CSNK2A1: variants seen among roughly 807,000 people sequenced by gnomAD.
The protein encoded by CSNK2A1 is casein kinase II subunit alpha.
Under a neutral mutation model 62.9 loss-of-function variants are expected in CSNK2A1, and 10 were observed. The ratio of observed to expected loss-of-function variants is 0.16; its 90% CI spans 0.10 to 0.27. CSNK2A1 has a LOEUF of 0.27. Among genes scored for constraint, CSNK2A1 ranks in the 10% least tolerant of loss-of-function variants. CSNK2A1 has a pLI of 1.00. For synonymous variants in CSNK2A1, 124 were observed against 167.8 expected (o/e 0.74, Z 2.02); for missense variants, 160 against 492.0 (o/e 0.33, Z 6.38).
rs189482554 is a variant in CSNK2A1 at position 484,940 on chromosome 20, G to A, written c.1061-864C>T. ...AAATTAGCTGGGCGTCATGGCGGGC[G>A]CCTGTAGTCCCAGCTACCTGGGAGG... On this transcript the variant is annotated intron_variant, in intron 13 of 13. Coordinates refer to ENST00000217244, the MANE Select transcript of CSNK2A1 (RefSeq NM_177559.3). 2.2e-3 allele frequency among the ~76,000 whole-genome samples: 329 copies of A among 148,796 alleles called. 2 individuals carry two copies. The highest frequency in any genetic ancestry group is 7.9e-3 in the African/African-American group (319 of 40,444).
rs1294777942 is a variant in CSNK2A1 at position 499,794 on chromosome 20, T to C, written c.315+39A>G. 4.4e-6 allele frequency: 7 copies of C among 1,596,480 alleles called. No homozygotes were observed. The South Asian group carries it at 7.8e-5, about 18-fold the overall frequency. On this transcript the variant is annotated intron_variant, in intron 5 of 13. Transcript: ENST00000217244. The surrounding 1 kb of genome is among the most constrained non-coding windows in gnomAD (Gnocchi z 4.2). Reference sequence around the variant, plus strand: ...GTTGTGCTCCAGGTCAAACACCATCTCAGCTCTGGCGGGCCTTGCTAACAC... The same window carrying C: ...GTTGTGCTCCAGGTCAAACACCATCCCAGCTCTGGCGGGCCTTGCTAACAC...
chr20:510,726 T>A (rs1320882639), intron 2 of CSNK2A1, among the ~76,000 whole-genome samples: 1 of 151,996 alleles, frequency 6.6e-6, no homozygotes, highest in Non-Finnish European at 1.5e-5. Context: ...TGTTGAAATC[T>A]TCTTATTTGA....
At position 477,531 on chromosome 20, in the gene CSNK2A1, A is replaced by G. The variant is rs1008432740; in HGVS notation, c.*6430T>C. The G allele has an allele frequency of 6.6e-6, 1 of 152,330 alleles. No homozygotes were observed. Among genetic ancestry groups the G allele is most frequent in the Admixed American group, 6.6e-5 (1 of 15,244 alleles). The allele number at this position is 152,330 out of a possible 1,614,324, so 9.4% of individuals were successfully genotyped here. A position where few individuals can be genotyped will look rare whatever the true frequency, so the allele number is the denominator to read the frequency against. ...TCTTCTAGTTTTTACCACCCCCACC[A>G]CCTCAATCCTGCCCCTGTAGCCTTT... On this transcript the variant is annotated 3_prime_UTR_variant, in exon 14 of 14. Transcript: ENST00000217244.
At position 490,905 on chromosome 20, in the gene CSNK2A1, A is replaced by C. The variant is rs548886799; in HGVS notation, c.622-1024T>G. On this transcript the variant is annotated intron_variant, in intron 9 of 13. Coordinates refer to ENST00000217244, the MANE Select transcript of CSNK2A1 (RefSeq NM_177559.3). ...TCTTCACTTACATGAAAAAAAAAAA[A>C]AAAAAACCTCCAAATTGTTAGCCCA... Among the ~76,000 whole-genome samples the C allele has an allele frequency of 3.4e-4, 52 of 151,850 alleles. No individual in the cohort carries two copies. The South Asian group carries it at 0.01, about 30-fold the overall frequency.
chr20:486,408 C>A lies in CSNK2A1; in HGVS notation c.1028G>T (p.Ser343Ile), dbSNP rs1407828502. The change falls in exon 13 of 14, where the codon AGT becomes ATT. Residue 343 changes from serine to isoleucine, a missense_variant. Transcript: ENST00000217244. ...RMGSSSMPGGSTPVSSANMMS... is the reference protein window; with the variant it reads ...RMGSSSMPGGITPVSSANMMS... ...CATATTGGCGCTGCTGACGGGCGTA[C>A]TGCCCCCTGGCATGCTAGATGAACC... 1 of 1,613,260 alleles carries A rather than the reference C, an allele frequency of 6.2e-7. No homozygotes were observed. Among genetic ancestry groups the A allele is most frequent in the Non-Finnish European group, 8.5e-7 (1 of 1,179,782 alleles).
chr20:511,359 A>C (rs1228919886), intron 2 of CSNK2A1, among the ~76,000 whole-genome samples: 1 of 152,094 alleles, frequency 6.6e-6, no homozygotes, highest in Non-Finnish European at 1.5e-5. Flanking sequence ...AAAAACTGCC[A>C]TTTTATCCAC....
intron 1 of CSNK2A1, among the ~76,000 whole-genome samples, chr20:529,047 T>C (rs1339475819): frequency 2.0e-5 from 3 of 152,174 alleles, no homozygotes; most frequent in Non-Finnish European, 4.4e-5. Context: ...TTATTTTCCA[T>C]GTTTGTTTTT....
intron 2 of CSNK2A1, among the ~76,000 whole-genome samples, chr20:523,604 T>C (rs558521326): frequency 1.3e-5 from 2 of 152,260 alleles, no homozygotes; most frequent in African/African-American, 4.8e-5. Flanking sequence ...GATAAAACTG[T>C]AGTGAGGTTG....
At chr20:504,006 C>T (rs538539063) in intron 4 of CSNK2A1, among the ~76,000 whole-genome samples, 100 of 152,058 alleles carry the variant, frequency 6.6e-4, no homozygotes, top group African/African-American at 2.3e-3. Context: ...GGTGAAACCC[C>T]GTCTCTATTA....
Position 499,052 on chromosome 20 carries a change from G to A in CSNK2A1, c.366+203C>T, listed in dbSNP as rs2018404523. 2.8e-6 allele frequency: 1 copy of A among 352,128 alleles called. No individual in the cohort carries two copies. Among genetic ancestry groups the A allele is most frequent in the African/African-American group, 2.1e-5 (1 of 47,294 alleles). The allele number at this position is 352,128 out of a possible 1,614,324, so 21.8% of individuals were successfully genotyped here. On this transcript the variant is annotated intron_variant, in intron 6 of 13. Coordinates refer to ENST00000217244, the MANE Select transcript of CSNK2A1 (RefSeq NM_177559.3). The surrounding 1 kb of genome is among the most constrained non-coding windows in gnomAD (Gnocchi z 4.2). ...AAGTCAATGTGTTGGTCATTAAAAAGAACATTAAACAAATGGGCAAAATAT... is the reference window on the plus strand; with the variant it reads ...AAGTCAATGTGTTGGTCATTAAAAAAAACATTAAACAAATGGGCAAAATAT...
In CSNK2A1 at chr20:520,364, A is replaced by G. The variant is rs572568672; in HGVS notation, c.-110+7569T>C. Among the ~76,000 whole-genome samples, 11 of 152,310 alleles carry G rather than the reference A, an allele frequency of 7.2e-5. No homozygotes were observed. The South Asian group carries it at 2.3e-3, about 32-fold the overall frequency. Reference sequence around the variant, plus strand: ...TAGTTGTCAAAACAGTGTATTGGCAAAAGGATAATACATAGATCAAGGGAA... The same window carrying G: ...TAGTTGTCAAAACAGTGTATTGGCAGAAGGATAATACATAGATCAAGGGAA... On this transcript the variant is annotated intron_variant, in intron 2 of 13. Transcript: ENST00000217244.
rs1335764260 is a variant in CSNK2A1, at chr20:499,251, A to G, written c.366+4T>C. On this transcript the variant is annotated splice_donor_region_variant and intron_variant, in intron 6 of 13. Transcript: ENST00000217244. The surrounding 1 kb of genome is among the most constrained non-coding windows in gnomAD (Gnocchi z 4.2). ...AGCCCGAAACAGTTGGTTATATATT[A>G]TACCTTGAAGTCTGTGTTGTTTACG... is the stretch of plus-strand genomic sequence containing the variant. 1.2e-6 allele frequency: 2 copies of G among 1,603,734 alleles called. No homozygotes were observed. The highest frequency in any genetic ancestry group is 1.7e-6 in the Non-Finnish European group (2 of 1,175,000).
chr20:511,726 ACACAC>A (rs1331110504), intron 2 of CSNK2A1, among the ~76,000 whole-genome samples: 3 of 151,228 alleles, frequency 2.0e-5, no homozygotes, highest in Non-Finnish European at 4.4e-5. Flanking sequence ...ACACACACAC[ACACAC>A]CACATTTTGC....
intron 2 of CSNK2A1, among the ~76,000 whole-genome samples, chr20:526,065 A>G (rs2019082157): frequency 6.6e-6 from 1 of 152,112 alleles, no homozygotes; most frequent in African/African-American, 2.4e-5. Flanking sequence ...GAACTTACAC[A>G]TATCTCAATA....
intron 2 of CSNK2A1, among the ~76,000 whole-genome samples, chr20:524,663 G>T (rs2019035154): frequency 6.9e-6 from 1 of 145,276 alleles, no homozygotes. Flanking sequence ...CTAGGAGGTG[G>T]AGGTTGCAGT....
chr20:486,549 C>A (rs1337181355), intron 12 of CSNK2A1, 87 bp from the exon 13 acceptor site: 2 of 1,440,250 alleles, frequency 1.4e-6, no homozygotes, highest in East Asian at 4.8e-5. Context: ...CAGCTTCATT[C>A]TTTGCAATTT....
chr20:517,451 A>G (rs745853826), intron 2 of CSNK2A1, among the ~76,000 whole-genome samples: 1 of 152,214 alleles, frequency 6.6e-6, no homozygotes, highest in African/African-American at 2.4e-5. Flanking sequence ...CCCTCAGACA[A>G]AGAAAACAGA....
chr20:501,997 G>T (rs969260504), intron 4 of CSNK2A1: 2 of 152,172 alleles, frequency 1.3e-5, no homozygotes, highest in African/African-American at 4.8e-5. Flanking sequence ...ATAGCAGAAA[G>T]CAAGCAGATT....
At position 483,745 on chromosome 20, in the gene CSNK2A1, C is replaced by CT. The variant is rs1491162234; in HGVS notation, c.*215dup. The CT allele has an allele frequency of 2.9e-6, 1 of 342,292 alleles. No individual in the cohort carries two copies. Among genetic ancestry groups the CT allele is most frequent in the Non-Finnish European group, 5.1e-6 (1 of 194,828 alleles). The allele number at this position is 342,292 out of a possible 1,614,324, so 21.2% of individuals were successfully genotyped here. ...TGCAGGTAATTTTTCAGGGAATCCC[C>CT]TGAGTTATGAAAAGTTCGAGTTAAA... is the stretch of plus-strand genomic sequence containing the variant. On this transcript the variant is annotated 3_prime_UTR_variant, in exon 14 of 14. Coordinates refer to ENST00000217244, the MANE Select transcript of CSNK2A1 (RefSeq NM_177559.3).
Sources: gnomAD v4.1 joint callset for allele counts (sites outside exome capture counted in the v4.1 genomes callset) on GRCh38, gnomAD v4.1.1 for gene constraint, Gnocchi (gnomAD v3.1) non-coding constraint, MANE v1.5 for transcripts, NCBI Gene and HGNC (gene_info 2026-07-23, HGNC 2026-07-21) for gene names.